Variants in DLGAP1 observed in about 807,000 individuals in gnomAD.
The protein encoded by DLGAP1 is disks large-associated protein 1.
In DLGAP1, 11 loss-of-function variants were observed where a neutral mutation model predicts 90.8. The ratio of observed to expected loss-of-function variants is 0.12; its 90% CI spans 0.08 to 0.20. DLGAP1 has a LOEUF of 0.20. DLGAP1 is among the 10% of genes least tolerant of loss of function. DLGAP1 has a pLI of 1.00. For synonymous variants in DLGAP1, 558 were observed against 540.7 expected, an observed-to-expected ratio of 1.03 and a Z score of -0.44; for missense variants, 1,050 against 1,333.8, an observed-to-expected ratio of 0.79 and a Z score of 3.31.
chr18:3,499,406 A>G lies in DLGAP1; in HGVS notation c.2725-12T>C. 6.5e-7 allele frequency: 1 copy of G among 1,548,922 alleles called. No homozygotes were observed. Among genetic ancestry groups the G allele is most frequent in the Middle Eastern group, 1.7e-4 (1 of 5,936 alleles). ...GGGGCCCTTCTCTCCTGATCAAAGC[A>G]GAAGGTTCAGGACATTACACAGCTT... On this transcript the variant is annotated splice_polypyrimidine_tract_variant and intron_variant, in intron 12 of 12. Transcript: ENST00000315677. This position sits in a 1 kb window ranked among gnomAD's most constrained non-coding sequence, Gnocchi z 6.4.
At chr18:3,765,561 C>T (rs968913688) in intron 5 of DLGAP1, among the ~76,000 whole-genome samples, 1 of 151,892 alleles carries the variant, frequency 6.6e-6, no homozygotes, top group Admixed American at 6.6e-5. Context: ...TACTCGGGCA[C>T]GGTGGCTCAC....
chr18:3,745,188 T>C (rs1288885832), intron 5 of DLGAP1, among the ~76,000 whole-genome samples: 1 of 152,096 alleles, frequency 6.6e-6, no homozygotes, highest in Non-Finnish European at 1.5e-5. Flanking sequence ...GGGGAAAGCA[T>C]AGGAAGATGG....
At chr18:4,054,627 A>G (rs28453772) in intron 2 of DLGAP1, among the ~76,000 whole-genome samples, 23,926 of 152,144 alleles carry the variant, frequency 0.16, 2,382 homozygotes, top group East Asian at 0.34. Context: ...AACTCTTTTC[A>G]ATTGGAGTTT....
At chr18:3,625,659 A>T (rs1025513077) in intron 7 of DLGAP1, among the ~76,000 whole-genome samples, 17 of 152,222 alleles carry the variant, frequency 1.1e-4, no homozygotes, top group Non-Finnish European at 2.9e-5. Context: ...ATTGCAATCT[A>T]AGTGAGAGGC....
At chr18:3,947,383 G>A (rs1165724099) in intron 3 of DLGAP1, among the ~76,000 whole-genome samples, 1 of 152,118 alleles carries the variant, frequency 6.6e-6, no homozygotes, top group Non-Finnish European at 1.5e-5. Flanking sequence ...CTTCCAAAAT[G>A]GTAGATGTCT....
rs780786460 is a variant in DLGAP1, at chr18:3,729,169, G to T, written c.1557C>A (p.Thr519=). The change falls in exon 7 of 13, where the codon ACC becomes ACA. Residue 519 remains threonine, a synonymous_variant. Transcript: ENST00000315677. This position sits in a 1 kb window ranked among gnomAD's most constrained non-coding sequence, Gnocchi z 6.2. ...TCTGGATGGTCCTAACGGTGGTGGT[G>T]GTGCGCGGCGGCGAGGACGACCTCA... ...VSLRSSSPPR[T]TTTVRTIQSS... 6 of 1,613,150 alleles carry T rather than the reference G, an allele frequency of 3.7e-6. No individual in the cohort carries two copies. The highest frequency in any genetic ancestry group is 5.1e-6 in the Non-Finnish European group (6 of 1,179,806).
At chr18:4,320,446 T>C (rs2080654875) in intron 1 of DLGAP1, among the ~76,000 whole-genome samples, 1 of 152,224 alleles carries the variant, frequency 6.6e-6, no homozygotes, top group East Asian at 1.9e-4. Flanking sequence ...TATAATCTCT[T>C]GTTCTCTTTA....
intron 1 of DLGAP1, among the ~76,000 whole-genome samples, chr18:4,310,993 C>A (rs2080384968): frequency 6.6e-6 from 1 of 152,090 alleles, no homozygotes; most frequent in African/African-American, 2.4e-5. Context: ...AATTCTTAGC[C>A]CACTAAATGC....
At chr18:4,187,402 A>C (rs1423439255) in intron 1 of DLGAP1, among the ~76,000 whole-genome samples, 1 of 152,070 alleles carries the variant, frequency 6.6e-6, no homozygotes, top group Non-Finnish European at 1.5e-5. Context: ...GATCCCCCAA[A>C]ATTTGTATTT....
At chr18:3,801,303 A>AT (rs2066277821) in intron 5 of DLGAP1, among the ~76,000 whole-genome samples, 1 of 152,092 alleles carries the variant, frequency 6.6e-6, no homozygotes, top group Non-Finnish European at 1.5e-5. Flanking sequence ...TTGGCTTTTG[A>AT]TTTTTGGTGT....
At chr18:4,211,970 CT>C (rs1304190221) in intron 1 of DLGAP1, among the ~76,000 whole-genome samples, 1 of 152,096 alleles carries the variant, frequency 6.6e-6, no homozygotes, top group East Asian at 1.9e-4. Context: ...TCCCAAGAAA[CT>C]TTTTAAAAAT....
chr18:3,708,858 G>A (rs974076221), intron 7 of DLGAP1, among the ~76,000 whole-genome samples: 1 of 152,154 alleles, frequency 6.6e-6, no homozygotes, highest in African/African-American at 2.4e-5. Context: ...GTGCACATTA[G>A]GTGGAAGGAA....
chr18:3,943,578 G>A (rs915343502), intron 3 of DLGAP1, among the ~76,000 whole-genome samples: 2 of 151,740 alleles, frequency 1.3e-5, no homozygotes, highest in African/African-American at 4.8e-5. Context: ...ATTGGAAAGG[G>A]GAGATAACTC....
intron 1 of DLGAP1, among the ~76,000 whole-genome samples, chr18:4,157,027 C>A (rs1194019498): frequency 6.6e-6 from 1 of 152,066 alleles, no homozygotes; most frequent in Non-Finnish European, 1.5e-5. Flanking sequence ...TTTCACAGAA[C>A]AAATTTTAAA....
intron 1 of DLGAP1, among the ~76,000 whole-genome samples, chr18:4,406,359 T>C (rs1355614978): frequency 6.6e-6 from 1 of 152,190 alleles, no homozygotes; most frequent in African/African-American, 2.4e-5. Context: ...GATTTAGTTC[T>C]AGGAAGTCAG....
At chr18:4,297,627 C>T (rs976759725) in intron 1 of DLGAP1, among the ~76,000 whole-genome samples, 2 of 152,112 alleles carry the variant, frequency 1.3e-5, no homozygotes, top group East Asian at 1.9e-4. Context: ...CCTCGGAAGT[C>T]GGAGAGTAAT....
intron 2 of DLGAP1, among the ~76,000 whole-genome samples, chr18:4,129,525 T>A (rs2076282526): frequency 1.3e-5 from 2 of 152,188 alleles, no homozygotes; most frequent in Admixed American, 6.5e-5. Context: ...TGGTTCATCA[T>A]CCTCACAGGC....
chr18:4,265,129 T>TCCTTTCCTC (rs1422480142), intron 1 of DLGAP1, among the ~76,000 whole-genome samples: 1 of 150,686 alleles, frequency 6.6e-6, no homozygotes, highest in African/African-American at 2.5e-5. Flanking sequence ...CTTCCTTCCT[T>TCCTTTCCTC]CCTTTCCTCC....
At position 3,600,969 on chromosome 18, in the gene DLGAP1, GATAGATATATAGATATAGATAT is replaced by G. The variant is rs1389197009; in HGVS notation, c.1592-18743_1592-18722del. On this transcript the variant is annotated intron_variant, in intron 7 of 12. Transcript: ENST00000315677. ...ATATATAGATATATATAGATATATA[GATAGATATATAGATATAGATAT>G]ATAGATATATAGATATAGATAGATA... Among the ~76,000 whole-genome samples the G allele has an allele frequency of 8.0e-5, 7 of 87,504 alleles. 2 individuals are homozygous for G. The East Asian group carries it at 9.9e-4, about 12-fold the overall frequency. 57.4% of individuals were successfully genotyped at this position (87,504 alleles called of 152,430 possible). A position where few individuals can be genotyped will look rare whatever the true frequency, so the allele number is the denominator to read the frequency against.
Sources: allele counts gnomAD v4.1 joint callset (sites outside exome capture counted in the v4.1 genomes callset), GRCh38; gene constraint gnomAD v4.1.1; non-coding constraint Gnocchi (gnomAD v3.1); transcripts MANE v1.5; gene names NCBI Gene and HGNC (gene_info 2026-07-23, HGNC 2026-07-21).